The following DDAH1 variants were observed in gnomAD, a reference collection of about 807,000 sequenced individuals.
The protein encoded by DDAH1 is dimethylarginine dimethylaminohydrolase 1.
In DDAH1, 19 loss-of-function variants were observed where a neutral mutation model predicts 28.8. The observed-to-expected ratio is 0.66, with a 90% CI of 0.46 to 0.97. The LOEUF is 0.97. DDAH1 is among the 50% of genes least tolerant of loss of function. The probability of loss-of-function intolerance (pLI) is 0.00; values close to 1 mark genes in which losing one functional copy is unlikely to be tolerated. For synonymous variants in DDAH1, 153 were observed against 154.4 expected (o/e 0.99, Z 0.07); for missense variants, 326 against 375.9 (o/e 0.87, Z 1.10).
chr1:85,399,021 G>T (rs1486616418), intron 1 of DDAH1: 1 of 152,146 alleles, frequency 6.6e-6, no homozygotes, highest in East Asian at 1.9e-4. Context: ...AATGCTATAT[G>T]ATAGAATTGC....
intron 4 of DDAH1, among the ~76,000 whole-genome samples, chr1:85,336,744 T>A (rs560629789): frequency 2.6e-5 from 4 of 151,282 alleles, no homozygotes; most frequent in African/African-American, 9.7e-5. Flanking sequence ...AAACTAAAAG[T>A]TTTTTTTTGA....
At chr1:85,437,884 G>A (rs1654013817) in intron 1 of DDAH1, among the ~76,000 whole-genome samples, 2 of 152,060 alleles carry the variant, frequency 1.3e-5, no homozygotes, top group Non-Finnish European at 2.9e-5. Context: ...CTAACAGACG[G>A]CAATTTGGAA....
intron 4 of DDAH1, among the ~76,000 whole-genome samples, chr1:85,339,411 T>C (rs186639103): frequency 6.6e-6 from 1 of 152,060 alleles, no homozygotes; most frequent in Non-Finnish European, 1.5e-5. Flanking sequence ...GTGTGATGAG[T>C]AATATGGGGA....
At chr1:85,419,988 T>G (rs1410478788) in intron 1 of DDAH1, among the ~76,000 whole-genome samples, 3 of 152,130 alleles carry the variant, frequency 2.0e-5, no homozygotes, top group Non-Finnish European at 4.4e-5. Context: ...AAAGTGCCAT[T>G]TTCATCACAT....
chr1:85,448,878 T>G (rs1654549406), intron 1 of DDAH1, among the ~76,000 whole-genome samples: 2 of 152,202 alleles, frequency 1.3e-5, no homozygotes, highest in Non-Finnish European at 2.9e-5. Context: ...AGATTCAGTT[T>G]AGTGAGCATT....
intron 1 of DDAH1, among the ~76,000 whole-genome samples, chr1:85,535,212 A>C (rs1658233566): frequency 6.6e-6 from 1 of 152,224 alleles, no homozygotes; most frequent in Non-Finnish European, 1.5e-5. Flanking sequence ...CGTGGGGCAT[A>C]AAATAAAACA....
intron 1 of DDAH1, among the ~76,000 whole-genome samples, chr1:85,561,358 CAAAGAGATA>C (rs1162998464): frequency 1.3e-5 from 2 of 151,770 alleles, no homozygotes; most frequent in African/African-American, 4.8e-5. Flanking sequence ...GACTGAGATC[CAAAGAGATA>C]AAAAATACAG....
At chr1:85,382,290 GC>G (rs1000043425) in intron 1 of DDAH1, among the ~76,000 whole-genome samples, 13 of 152,160 alleles carry the variant, frequency 8.5e-5, no homozygotes, top group African/African-American at 2.9e-4. Context: ...GATCAAACCA[GC>G]CCCAATATTC....
chr1:85,401,597 C>G (rs1457238351), intron 1 of DDAH1, among the ~76,000 whole-genome samples: 1 of 150,812 alleles, frequency 6.6e-6, no homozygotes, highest in East Asian at 2.0e-4. Context: ...TCTCCTGGGC[C>G]CAAGCAATCC....
At chr1:85,479,243 G>T (rs1221858062) in intron 2 of DDAH1, among the ~76,000 whole-genome samples, 1 of 143,934 alleles carries the variant, frequency 6.9e-6, no homozygotes, top group Non-Finnish European at 1.5e-5. Flanking sequence ...GCGCGATCTC[G>T]GCTCACTGCA....
intron 1 of DDAH1, chr1:85,576,621 T>G (rs1017265547): frequency 1.3e-5 from 2 of 152,158 alleles, no homozygotes; most frequent in South Asian, 2.1e-4. Flanking sequence ...CACACACACA[T>G]ACACACACAG....
chr1:85,392,686 G>A lies in DDAH1; in HGVS notation c.304-33839C>T, dbSNP rs532983515. ...CATGTGCCTGTAATCCCAGCTACTC[G>A]GGAGGCTGAGGCAGGAGAACGGCTT... On this transcript the variant is annotated intron_variant, in intron 1 of 5. Coordinates refer to ENST00000284031, the MANE Select transcript of DDAH1 (RefSeq NM_012137.4). Among the ~76,000 whole-genome samples the A allele has an allele frequency of 1.1e-4, 16 of 151,632 alleles. No homozygotes were observed. The East Asian group carries it at 2.9e-3, about 28-fold the overall frequency.
chr1:85,331,614 C>T (rs188877544), intron 4 of DDAH1, among the ~76,000 whole-genome samples: 2 of 152,168 alleles, frequency 1.3e-5, no homozygotes, highest in Non-Finnish European at 2.9e-5. Context: ...GACAACATAC[C>T]AGCATCAAGC....
chr1:85,373,142 T>C (rs938412036), intron 1 of DDAH1, among the ~76,000 whole-genome samples: 1 of 152,156 alleles, frequency 6.6e-6, no homozygotes, highest in African/African-American at 2.4e-5. Context: ...TATGCAAATA[T>C]ATAAGTGAAG....
intron 2 of DDAH1, among the ~76,000 whole-genome samples, chr1:85,490,376 C>A (rs888747451): frequency 2.0e-5 from 3 of 152,120 alleles, no homozygotes; most frequent in Non-Finnish European, 2.9e-5. Context: ...GACTCTTCAC[C>A]CAGTCACAAG....
intron 2 of DDAH1, among the ~76,000 whole-genome samples, chr1:85,479,031 AT>A (rs1310962884): frequency 6.6e-6 from 1 of 151,892 alleles, no homozygotes; most frequent in Non-Finnish European, 1.5e-5. Flanking sequence ...TTTACATTTA[AT>A]TTTTATTTTA....
chr1:85,362,419 G>T (rs1163323007), intron 1 of DDAH1, among the ~76,000 whole-genome samples: 2 of 152,120 alleles, frequency 1.3e-5, no homozygotes, highest in Admixed American at 6.6e-5. Context: ...TCAGTCTAAA[G>T]AATTCTTTCT....
chr1:85,520,393 A>G (rs1164845300), intron 1 of DDAH1, among the ~76,000 whole-genome samples: 2 of 152,214 alleles, frequency 1.3e-5, no homozygotes, highest in Admixed American at 1.3e-4. Context: ...TAGACATGGA[A>G]CTAGGGCAGA....
intron 4 of DDAH1, among the ~76,000 whole-genome samples, chr1:85,347,939 G>A (rs56373808): frequency 0.066 from 10,053 of 152,146 alleles, 430 homozygotes; most frequent in Middle Eastern, 0.13. Context: ...AGATCAGTTT[G>A]TCCTCTTATT....
Sources: gnomAD v4.1 joint callset for allele counts (sites outside exome capture counted in the v4.1 genomes callset) on GRCh38, gnomAD v4.1.1 for gene constraint, MANE v1.5 for transcripts, NCBI Gene and HGNC (gene_info 2026-07-23, HGNC 2026-07-21) for gene names.